The following TPP2 variants were observed in gnomAD, a reference collection of about 807,000 sequenced individuals.
The protein encoded by TPP2 is tripeptidyl-peptidase 2.
Under a neutral mutation model 155.9 loss-of-function variants are expected in TPP2, and 34 were observed. The observed-to-expected ratio is 0.22, with a 90% CI of 0.17 to 0.29. TPP2 has a LOEUF of 0.29. TPP2 is among the 10% of genes least tolerant of loss of function. The pLI is 1.00. For synonymous variants in TPP2, 510 were observed against 529.4 expected (o/e 0.96, Z 0.50); for missense variants, 1,028 against 1,522.3 (o/e 0.68, Z 5.40).
intron 15 of TPP2, among the ~76,000 whole-genome samples, chr13:102,639,739 G>A (rs1244818287): frequency 1.3e-5 from 2 of 152,194 alleles, no homozygotes; most frequent in Admixed American, 6.5e-5. Context: ...ATTTGTTTCC[G>A]TGGTGGGTAG....
intron 10 of TPP2, 105 bp from the exon 11 acceptor site, chr13:102,633,845 G>C: frequency 6.7e-7 from 1 of 1,490,990 alleles, no homozygotes; most frequent in South Asian, 1.3e-5. Flanking sequence ...AGTGCAGTTA[G>C]TACATAGTGT....
At chr13:102,606,710 C>A (rs1405947647) in intron 2 of TPP2, among the ~76,000 whole-genome samples, 2 of 152,212 alleles carry the variant, frequency 1.3e-5, no homozygotes, top group African/African-American at 4.8e-5. Context: ...ATAACGCAAT[C>A]ATGGGAGTGA....
At chr13:102,663,592 C>T in intron 25 of TPP2, 56 bp from the exon 26 acceptor site, 1 of 1,243,730 alleles carries the variant, frequency 8.0e-7, no homozygotes, top group East Asian at 2.7e-5. Flanking sequence ...ATAGAGAAGA[C>T]AAATAGTCTT....
At chr13:102,633,348 T>A (rs565759534) in intron 10 of TPP2, among the ~76,000 whole-genome samples, 3 of 152,308 alleles carry the variant, frequency 2.0e-5, no homozygotes, top group African/African-American at 7.2e-5. Flanking sequence ...AAGTATAGAA[T>A]GTACACCAAA....
chr13:102,649,333 A>T, intron 22 of TPP2, 75 bp from the exon 23 acceptor site: 1 of 1,512,148 alleles, frequency 6.6e-7, no homozygotes, highest in African/African-American at 1.4e-5. Context: ...AATTGTTTTC[A>T]TGTTTTTCCC....
intron 25 of TPP2, among the ~76,000 whole-genome samples, chr13:102,658,841 A>G (rs1884023522): frequency 6.6e-6 from 1 of 152,186 alleles, no homozygotes; most frequent in South Asian, 2.1e-4. Context: ...GCAGCGGCTC[A>G]GTTCCAGCTG....
At chr13:102,602,434 A>G (rs1056006466) in intron 1 of TPP2, among the ~76,000 whole-genome samples, 1 of 152,090 alleles carries the variant, frequency 6.6e-6, no homozygotes, top group African/African-American at 2.4e-5. Context: ...ATTTGTTACT[A>G]TTATAGGACA....
At chr13:102,613,320 G>A (rs1429584178) in intron 2 of TPP2, among the ~76,000 whole-genome samples, 1 of 152,194 alleles carries the variant, frequency 6.6e-6, no homozygotes, top group Non-Finnish European at 1.5e-5. Context: ...ATGAGTTAAA[G>A]GTATTGCACA....
At chr13:102,626,137 A>G (rs1566335335) in intron 6 of TPP2, among the ~76,000 whole-genome samples, 1 of 152,172 alleles carries the variant, frequency 6.6e-6, no homozygotes, top group Non-Finnish European at 1.5e-5. Context: ...CACCTCCTAC[A>G]GTTAACTACT....
intron 6 of TPP2, among the ~76,000 whole-genome samples, chr13:102,625,325 C>T (rs1017849095): frequency 1.3e-5 from 2 of 151,444 alleles, no homozygotes; most frequent in Non-Finnish European, 2.9e-5. Flanking sequence ...CTACCATGCC[C>T]GGCTAATTTT....
intron 27 of TPP2, among the ~76,000 whole-genome samples, chr13:102,672,000 G>A (rs575463064): frequency 2.0e-5 from 3 of 152,218 alleles, no homozygotes; most frequent in South Asian, 2.1e-4. Flanking sequence ...AATCCCAAGC[G>A]GGCACCAGTG....
intron 2 of TPP2, among the ~76,000 whole-genome samples, chr13:102,608,900 GTGAT>G (rs1427348624): frequency 1.3e-5 from 2 of 152,180 alleles, no homozygotes; most frequent in African/African-American, 4.8e-5. Flanking sequence ...ACAAGAAAAG[GTGAT>G]TGGAAGCTCC....
chr13:102,597,757 A>C (rs556161156), intron 1 of TPP2, among the ~76,000 whole-genome samples: 1 of 152,368 alleles, frequency 6.6e-6, no homozygotes, highest in East Asian at 1.9e-4. Context: ...TTGGGGAAGA[A>C]TAGTTTGTCT....
chr13:102,606,376 G>T (rs1403752543), intron 2 of TPP2, among the ~76,000 whole-genome samples: 2 of 152,098 alleles, frequency 1.3e-5, no homozygotes, highest in African/African-American at 4.8e-5. Flanking sequence ...GATTCCATGG[G>T]GTAGGAGTCC....
intron 2 of TPP2, among the ~76,000 whole-genome samples, 171 bp from the exon 3 acceptor site, chr13:102,613,930 A>G (rs1880511805): frequency 6.6e-6 from 1 of 152,228 alleles, no homozygotes; most frequent in Non-Finnish European, 1.5e-5. Context: ...AAAAGAAGTG[A>G]TAAAGACATT....
intron 19 of TPP2, among the ~76,000 whole-genome samples, chr13:102,645,982 T>C (rs1483042360): frequency 8.9e-6 from 1 of 112,646 alleles, no homozygotes; most frequent in Non-Finnish European, 1.9e-5. Flanking sequence ...GCAACACTTT[T>C]AGTTGTCACC....
At chr13:102,598,110 C>T (rs1407536664) in intron 1 of TPP2, among the ~76,000 whole-genome samples, 1 of 152,118 alleles carries the variant, frequency 6.6e-6, no homozygotes, top group African/African-American at 2.4e-5. Context: ...TATGTTGTCT[C>T]TCGTTAAAAG....
chr13:102,668,428 G>C (rs1201775638), intron 27 of TPP2, among the ~76,000 whole-genome samples: 1 of 152,160 alleles, frequency 6.6e-6, no homozygotes, highest in African/African-American at 2.4e-5. Context: ...GTCTGGCGTA[G>C]TGGTTACTGC....
rs545669391 is a variant in TPP2, at chr13:102,663,719, G to A, written c.3215G>A (p.Arg1072Gln). 17 of 1,602,482 alleles carry A rather than the reference G, an allele frequency of 1.1e-5. No homozygotes were observed. The highest frequency in any genetic ancestry group is 4.0e-5 in the African/African-American group (3 of 74,288). ...YPNYLPLYVARLHQLDAEKER... is the reference protein window; with the variant it reads ...YPNYLPLYVAQLHQLDAEKER... ...AATTATCTTCCTCTGTACGTTGCAC[G>A]ACTTCATCAATTGGATGCTGAAAAG... Residue 1072 changes from arginine to glutamine, a missense_variant, in exon 26 of 30, where the codon CGA becomes CAA. Around this residue, in one of 7 missense-constraint regions of TPP2, gnomAD observed 179 missense variants for 274.7 expected, o/e 0.65. Coordinates refer to ENST00000376052, the MANE Select transcript of TPP2 (RefSeq NM_001330588.2).
Sources: allele counts gnomAD v4.1 joint callset (sites outside exome capture counted in the v4.1 genomes callset), GRCh38; gene constraint gnomAD v4.1.1; regional missense constraint gnomAD v4.1.1; transcripts MANE v1.5; gene names NCBI Gene and HGNC (gene_info 2026-07-23, HGNC 2026-07-21).